The following PPEF2 variants were observed in gnomAD, a reference collection of about 807,000 sequenced individuals.
The protein encoded by PPEF2 is serine/threonine-protein phosphatase with EF-hands 2.
PPEF2 carries 84 observed loss-of-function variants against 84.7 expected under a neutral mutation model. The observed-to-expected ratio is 0.99, with a 90% CI of 0.83 to 1.19. PPEF2 has a LOEUF of 1.19. Among genes scored for constraint, PPEF2 ranks in the 50% most tolerant of loss-of-function variants. The probability of loss-of-function intolerance (pLI) is 0.00; values close to 1 mark genes in which losing one functional copy is unlikely to be tolerated. For synonymous variants in PPEF2, 346 were observed against 345.2 expected (o/e 1.00, Z -0.03); for missense variants, 924 against 937.5 (o/e 0.99, Z 0.19).
intron 16 of PPEF2, among the ~76,000 whole-genome samples, chr4:75,863,499 C>CA (rs71210218): frequency 6.2e-5 from 7 of 113,778 alleles, no homozygotes; most frequent in Admixed American, 2.7e-4. Context: ...GACTCCGTCT[C>CA]AAAAAAAAAA....
intron 10 of PPEF2, among the ~76,000 whole-genome samples, chr4:75,878,716 T>C (rs1724490580): frequency 6.6e-6 from 1 of 152,162 alleles, no homozygotes; most frequent in Non-Finnish European, 1.5e-5. Context: ...ACAACCTTCT[T>C]GCTCCTTGTT....
chr4:75,883,341 A>G, intron 8 of PPEF2, 139 bp from the exon 9 acceptor site: 1 of 723,920 alleles, frequency 1.4e-6, no homozygotes, highest in South Asian at 1.7e-5. Context: ...AATCACCAAA[A>G]TGTTTAAAAC....
chr4:75,876,515 G>A lies in PPEF2; in HGVS notation c.1092C>T (p.Tyr364=). 3 of 1,614,092 alleles carry A rather than the reference G, an allele frequency of 1.9e-6. No individual in the cohort carries two copies. Among genetic ancestry groups the A allele is most frequent in the Non-Finnish European group, 1.7e-6 (2 of 1,179,976 alleles). ...AGGACCTGCTGGTTTTCTGGGCCTTGTAGGAGCCAAGCCGAAGGGGCGAAG... is the reference window on the plus strand; with the variant it reads ...AGGACCTGCTGGTTTTCTGGGCCTTATAGGAGCCAAGCCGAAGGGGCGAAG... ...LPSSPLRLGS[Y]KAQKTSRSSS... is the part of the protein sequence containing the mutation. Residue 364 remains tyrosine, a synonymous_variant, in exon 11 of 17, where the codon TAC becomes TAT. Transcript: ENST00000286719.
At chr4:75,863,465 A>T (rs1394362637) in intron 16 of PPEF2, among the ~76,000 whole-genome samples, 3 of 148,044 alleles carry the variant, frequency 2.0e-5, no homozygotes, top group Non-Finnish European at 3.0e-5. Flanking sequence ...GTGCCACTGC[A>T]CTCCAGCTTG....
At chr4:75,886,345 T>C (rs1196985442) in intron 7 of PPEF2, among the ~76,000 whole-genome samples, 2 of 152,058 alleles carry the variant, frequency 1.3e-5, no homozygotes, top group Non-Finnish European at 2.9e-5. Flanking sequence ...CCGAGGCCGG[T>C]GCGGAGAGTC....
intron 15 of PPEF2, 104 bp from the exon 16 acceptor site, chr4:75,864,631 C>T: frequency 2.1e-6 from 2 of 931,194 alleles, no homozygotes; most frequent in Non-Finnish European, 3.4e-6. Context: ...CTTGAAAAAA[C>T]CTGAAAATAT....
At chr4:75,893,976 A>G (rs1399220011) in intron 2 of PPEF2, among the ~76,000 whole-genome samples, 1 of 152,106 alleles carries the variant, frequency 6.6e-6, no homozygotes, top group African/African-American at 2.4e-5. Context: ...CCTTTATCCC[A>G]TCATGTATTT....
chr4:75,860,951 G>A (rs201228872), intron 16 of PPEF2, 31 bp from the exon 17 acceptor site: 3 of 1,604,182 alleles, frequency 1.9e-6, no homozygotes, highest in Non-Finnish European at 2.6e-6. Context: ...ACTTCAGTGA[G>A]TTAGTCTAGT....
intron 10 of PPEF2, among the ~76,000 whole-genome samples, chr4:75,877,414 A>G (rs1221657121): frequency 6.6e-6 from 1 of 151,810 alleles, no homozygotes; most frequent in Admixed American, 6.6e-5. Flanking sequence ...AGAAAGAAAG[A>G]GAGAGAAAGG....
chr4:75,861,030 A>G, intron 16 of PPEF2, 110 bp from the exon 17 acceptor site: 1 of 1,274,016 alleles, frequency 7.8e-7, no homozygotes, highest in Non-Finnish European at 1.1e-6. Context: ...AGAGAGACAC[A>G]CAAATCCTAG....
intron 7 of PPEF2, among the ~76,000 whole-genome samples, chr4:75,886,442 A>T (rs1335318946): frequency 2.0e-5 from 3 of 152,324 alleles, no homozygotes; most frequent in South Asian, 4.1e-4. Context: ...ACCTGACATT[A>T]AACTGTTCGT....
At chr4:75,888,934 G>C (rs774131291) in intron 5 of PPEF2, among the ~76,000 whole-genome samples, 1 of 152,230 alleles carries the variant, frequency 6.6e-6, no homozygotes, top group Non-Finnish European at 1.5e-5. Flanking sequence ...AGTCAGGGCT[G>C]GGTATGATGG....
intron 13 of PPEF2, among the ~76,000 whole-genome samples, 197 bp from the exon 14 acceptor site, chr4:75,867,616 T>TGG (rs1432128053): frequency 6.6e-6 from 1 of 152,210 alleles, no homozygotes; most frequent in African/African-American, 2.4e-5. Flanking sequence ...CTTCCTGGTA[T>TGG]GGGACAGTGG....
Position 75,901,313 on chromosome 4 carries a change from C to T in PPEF2, c.-59+917G>A, listed in dbSNP as rs890104268. Among the ~76,000 whole-genome samples, 12 of 152,032 alleles carry T rather than the reference C, an allele frequency of 7.9e-5. No homozygotes were observed. The East Asian group carries it at 1.4e-3, about 17-fold the overall frequency. ...GTTGGATCCCCTGAGCTCAGGAGTT[C>T]GAGACCAGCCTAGCCAAGATGGTGA... is the stretch of plus-strand genomic sequence containing the variant. On this transcript the variant is annotated intron_variant, in intron 1 of 16. Transcript: ENST00000286719.
At chr4:75,885,906 G>A (rs1473328966) in intron 7 of PPEF2, among the ~76,000 whole-genome samples, 4 of 152,086 alleles carry the variant, frequency 2.6e-5, no homozygotes, top group African/African-American at 9.7e-5. Context: ...CTACTTGGGA[G>A]GCCGAGGCAG....
intron 13 of PPEF2, among the ~76,000 whole-genome samples, chr4:75,868,941 C>T (rs955302208): frequency 2.6e-5 from 4 of 151,820 alleles, no homozygotes; most frequent in East Asian, 1.9e-4. Flanking sequence ...CCCAGGAGTT[C>T]GAGGTTACAG....
chr4:75,896,710 A>G (rs1876095), intron 1 of PPEF2, among the ~76,000 whole-genome samples: 75,564 of 151,920 alleles, frequency 0.5, 20,745 homozygotes, highest in East Asian at 0.97. Flanking sequence ...TCTCATCCAG[A>G]TTTATCTCAA....
intron 8 of PPEF2, 162 bp from the exon 9 acceptor site, chr4:75,883,364 C>A: frequency 1.6e-6 from 1 of 632,098 alleles, no homozygotes. Flanking sequence ...TGTCATTATC[C>A]CTGGGTAGAG....
At chr4:75,890,961 T>C (rs936329993) in intron 4 of PPEF2, among the ~76,000 whole-genome samples, 1 of 152,044 alleles carries the variant, frequency 6.6e-6, no homozygotes, top group African/African-American at 2.4e-5. Context: ...GGCAGGTGGA[T>C]CGCTTGAGGC....
Sources: gnomAD v4.1 joint callset for allele counts (sites outside exome capture counted in the v4.1 genomes callset) on GRCh38, gnomAD v4.1.1 for gene constraint, MANE v1.5 for transcripts, NCBI Gene and HGNC (gene_info 2026-07-23, HGNC 2026-07-21) for gene names.